The following TOR1AIP1 variants were observed in gnomAD, a reference collection of about 807,000 sequenced individuals.
TOR1AIP1 encodes the protein torsin-1A-interacting protein 1.
A neutral mutation model predicts 63.3 loss-of-function variants in TOR1AIP1; 54 were observed. The ratio of observed to expected loss-of-function variants is 0.85; its 90% CI spans 0.69 to 1.07. The LOEUF (loss-of-function observed/expected upper bound fraction) is 1.07, where lower values mean the gene tolerates loss of function less well. TOR1AIP1 is among the 50% of genes least tolerant of loss of function. The pLI is 0.00. For synonymous variants in TOR1AIP1, 294 were observed against 273.5 expected, an observed-to-expected ratio of 1.07 and a Z score of -0.74; for missense variants, 736 against 715.0, an observed-to-expected ratio of 1.03 and a Z score of -0.33.
rs1254304316 is a variant in TOR1AIP1 at position 179,882,887 on chromosome 1, C to T, written c.385C>T (p.Arg129Cys). The T allele has an allele frequency of 6.2e-6, 10 of 1,614,034 alleles. No homozygotes were observed. In the South Asian group the frequency reaches 8.8e-5, roughly 14 times the overall value. Reference protein sequence around the residue: ...TEEMKTRRTTRLQQQHSEQPP... With the variant: ...TEEMKTRRTTCLQQQHSEQPP... ...GGAAATGAAGACGCGAAGGACTACC[C>T]GCCTTCAGCAGCAGCACTCAGAGCA... Residue 129 changes from arginine (R) to cysteine (C), a missense_variant, in exon 1 of 10, where the codon CGC (arginine) becomes TGC (cysteine). Physicochemically the swap from Arg to Cys is radical, Grantham distance 180. Around this residue, in one of 2 missense-constraint regions of TOR1AIP1, gnomAD observed 464 missense variants for 371.0 expected, o/e 1.25. Transcript: ENST00000606911.
chr1:179,894,653 T>C (rs2148474321), intron 3 of TOR1AIP1, among the ~76,000 whole-genome samples: 1 of 151,980 alleles, frequency 6.6e-6, no homozygotes, highest in South Asian at 2.1e-4. Flanking sequence ...GCCATCGCAC[T>C]CCACTGTCGG....
At position 179,908,626 on chromosome 1, in the gene TOR1AIP1, C is replaced by T. The variant is rs1381128906; in HGVS notation, c.860C>T (p.Pro287Leu). 1 of 1,613,238 alleles carries T rather than the reference C, an allele frequency of 6.2e-7. No homozygotes were observed. The highest frequency in any genetic ancestry group is 8.5e-7 in the Non-Finnish European group (1 of 1,179,584). ...SVLSSGYQKT[P>L]QEWAPQTARI... is the part of the protein sequence containing the mutation. ...TCAGGCTCAGGATATCAAAAAACTC[C>T]CCAGGAATGGGCCCCACAAACTGCA... is the stretch of plus-strand genomic sequence containing the variant. Residue 287 changes from proline (P) to leucine (L), a missense_variant, in exon 8 of 10, where the codon CCC (proline) becomes CTC (leucine). Transcript: ENST00000606911.
intron 2 of TOR1AIP1, among the ~76,000 whole-genome samples, chr1:179,886,864 C>T (rs559763078): frequency 6.6e-6 from 1 of 152,246 alleles, no homozygotes; most frequent in Non-Finnish European, 1.5e-5. Flanking sequence ...CATCCCATGC[C>T]TCTTAATGAA....
At chr1:179,908,384 G>A (rs1040738368) in intron 7 of TOR1AIP1, among the ~76,000 whole-genome samples, 6 of 152,178 alleles carry the variant, frequency 3.9e-5, no homozygotes, top group African/African-American at 1.4e-4. Context: ...TTTGTATTAT[G>A]TGATAATATA....
At chr1:179,909,833 G>A (rs1414514102) in intron 8 of TOR1AIP1, among the ~76,000 whole-genome samples, 1 of 152,136 alleles carries the variant, frequency 6.6e-6, no homozygotes, top group African/African-American at 2.4e-5. Context: ...CACAATCTCA[G>A]CTCACTGCAG....
At chr1:179,909,879 T>C (rs1241389923) in intron 8 of TOR1AIP1, among the ~76,000 whole-genome samples, 1 of 152,126 alleles carries the variant, frequency 6.6e-6, no homozygotes, top group Non-Finnish European at 1.5e-5. Context: ...TCTTGTGCCT[T>C]AGCCTCCTAA....
chr1:179,917,772 A>G lies in TOR1AIP1; in HGVS notation c.1285A>G (p.Ile429Val). 1 of 1,614,188 alleles carries G rather than the reference A, an allele frequency of 6.2e-7. No homozygotes were observed. The highest frequency in any genetic ancestry group is 8.5e-7 in the Non-Finnish European group (1 of 1,180,050). The change falls in exon 10 of 10, where the codon ATT (isoleucine) becomes GTT (valine). Residue 429 changes from isoleucine to valine, a missense_variant. By Grantham distance (29) the Ile-to-Val change is conservative. Transcript: ENST00000606911. ...AGCACTTAGGTGTCTGAGTGAACAA[A>G]TTGCTGATGCCTATTCTTCTTTTCG... ...EEALRCLSEQ[I>V]ADAYSSFRSV...
At chr1:179,905,405 C>A (rs935008880) in intron 6 of TOR1AIP1, among the ~76,000 whole-genome samples, 1 of 151,726 alleles carries the variant, frequency 6.6e-6, no homozygotes, top group Admixed American at 6.6e-5. Context: ...AAAGAAAAAG[C>A]CTTTGGAAAT....
chr1:179,909,398 G>A (rs1199518471), intron 8 of TOR1AIP1, among the ~76,000 whole-genome samples: 2 of 115,006 alleles, frequency 1.7e-5, no homozygotes, highest in African/African-American at 6.3e-5. Context: ...GTTTTGTTTT[G>A]TTTTGTTTTG....
Position 179,888,180 on chromosome 1 carries a change from C to T in TOR1AIP1, c.554-1133C>T, listed in dbSNP as rs531262977. Among the ~76,000 whole-genome samples, 41 of 152,174 alleles carry T rather than the reference C, an allele frequency of 2.7e-4. No homozygotes were observed. In the South Asian group the frequency reaches 6.6e-3, roughly 25 times the overall value. On this transcript the variant is annotated intron_variant, in intron 2 of 9. Coordinates refer to ENST00000606911, the MANE Select transcript of TOR1AIP1 (RefSeq NM_015602.4). ...AAACAGATTTTAGGTTTTAATTAAA[C>T]CTGAAAAGGCTAGAAGTATAGAGAA... is the stretch of plus-strand genomic sequence containing the variant.
intron 2 of TOR1AIP1, among the ~76,000 whole-genome samples, chr1:179,888,352 C>T (rs1005137874): frequency 2.6e-5 from 4 of 152,094 alleles, no homozygotes; most frequent in Non-Finnish European, 4.4e-5. Flanking sequence ...TATACTGCAG[C>T]CACAAACTCC....
chr1:179,919,753 AG>A lies in TOR1AIP1; in HGVS notation c.*1515del, dbSNP rs1649139052. 1 of 149,428 alleles carries A rather than the reference AG, an allele frequency of 6.7e-6. No individual in the cohort carries two copies. Among genetic ancestry groups the A allele is most frequent in the African/African-American group, 2.6e-5 (1 of 38,804 alleles). The allele number at this position is 149,428 out of a possible 1,614,324, so 9.3% of individuals were successfully genotyped here. ...ACCCTTTGAGAGTTCCACAAGTGGT[AG>A]TAGAGTGGTTTAACGTCTTTCCTCT... On this transcript the variant is annotated 3_prime_UTR_variant, in exon 10 of 10. Transcript: ENST00000606911.
rs1558040636 is a variant in TOR1AIP1 at position 179,893,269 on chromosome 1, A to AAAC, written c.610+3902_610+3903insCAA. ...AAAAACAAACAAACAAACAAACAAA[A>AAAC]AAAAAAAAGTGACATTTTTCAATTC... is the stretch of plus-strand genomic sequence containing the variant. On this transcript the variant is annotated intron_variant, in intron 3 of 9. Transcript: ENST00000606911. 3.5e-3 allele frequency among the ~76,000 whole-genome samples: 517 copies of AAAC among 146,414 alleles called. 6 individuals are homozygous for AAAC. In the East Asian group the frequency reaches 0.047, roughly 13 times the overall value.
intron 5 of TOR1AIP1, 152 bp from the exon 6 acceptor site, chr1:179,903,814 A>G: frequency 1.9e-6 from 1 of 521,334 alleles, no homozygotes; most frequent in Middle Eastern, 5.4e-4. Context: ...CAGCCTAGAA[A>G]TTTTTTAAAT....
Position 179,882,409 on chromosome 1 carries a change from C to A in TOR1AIP1, c.-94C>A. 1.6e-6 allele frequency: 2 copies of A among 1,281,038 alleles called. No homozygotes were observed. The highest frequency in any genetic ancestry group is 2.9e-5 in the East Asian group (1 of 34,746). The allele number at this position is 1,281,038 out of a possible 1,614,324, so 79.4% of individuals were successfully genotyped here. ...GCCTCCCTGACCACAGCGGCCACCG[C>A]CCAACACCCCCGAGAAGCCATCGCC... On this transcript the variant is annotated 5_prime_UTR_variant, in exon 1 of 10. Coordinates refer to ENST00000606911, the MANE Select transcript of TOR1AIP1 (RefSeq NM_015602.4).
At chr1:179,910,430 A>C (rs540553101) in intron 8 of TOR1AIP1, among the ~76,000 whole-genome samples, 1 of 152,020 alleles carries the variant, frequency 6.6e-6, no homozygotes, top group Non-Finnish European at 1.5e-5. Flanking sequence ...GTCATAATTC[A>C]TTTTTTCTCA....
intron 3 of TOR1AIP1, among the ~76,000 whole-genome samples, chr1:179,897,973 G>A (rs1455893176): frequency 6.6e-6 from 1 of 152,096 alleles, no homozygotes; most frequent in Non-Finnish European, 1.5e-5. Context: ...GTGGTGACAT[G>A]TGCCTGTAGT....
At chr1:179,907,470 A>T (rs1406039636) in intron 6 of TOR1AIP1, among the ~76,000 whole-genome samples, 1 of 150,250 alleles carries the variant, frequency 6.7e-6, no homozygotes, top group Non-Finnish European at 1.5e-5. Flanking sequence ...ATTATACTTG[A>T]TATATATGAC....
intron 3 of TOR1AIP1, among the ~76,000 whole-genome samples, chr1:179,891,445 A>G (rs1648075194): frequency 6.6e-6 from 1 of 151,832 alleles, no homozygotes; most frequent in Non-Finnish European, 1.5e-5. Context: ...GCTGGTTTCA[A>G]ACTCCCTGAC....
Sources: gnomAD v4.1 joint callset for allele counts (sites outside exome capture counted in the v4.1 genomes callset) on GRCh38, gnomAD v4.1.1 for gene constraint, gnomAD v4.1.1 regional missense constraint, MANE v1.5 for transcripts, NCBI Gene and HGNC (gene_info 2026-07-23, HGNC 2026-07-21) for gene names.